Variants in FIP1L1 observed in about 807,000 individuals in gnomAD.
The protein encoded by FIP1L1 is factor interacting with PAPOLA and CPSF1.
A neutral mutation model predicts 84.6 loss-of-function variants in FIP1L1; 21 were observed. The ratio of observed to expected loss-of-function variants is 0.25; its 90% confidence interval spans 0.18 to 0.36. The LOEUF is 0.36. Ranked by LOEUF, FIP1L1 falls within the 10% of genes least tolerant of loss-of-function variation. The pLI, the probability that FIP1L1 is intolerant of heterozygous loss-of-function variation, is 1.00. For synonymous variants in FIP1L1, 263 were observed against 242.3 expected, an observed-to-expected ratio of 1.09 and a Z score of -0.80; for missense variants, 526 against 751.1, an observed-to-expected ratio of 0.70 and a Z score of 3.50.
At chr4:53,413,713 T>A (rs1758198514) in intron 10 of FIP1L1, among the ~76,000 whole-genome samples, 1 of 152,162 alleles carries the variant, frequency 6.6e-6, no homozygotes, top group Non-Finnish European at 1.5e-5. Flanking sequence ...TACAGAGTTG[T>A]TATATTAAGA....
At chr4:53,382,385 G>C in intron 4 of FIP1L1, 50 bp downstream of exon 4, 1 of 1,437,364 alleles carries the variant, frequency 7.0e-7, no homozygotes, top group Non-Finnish European at 9.8e-7. Context: ...TTTATCAATA[G>C]CTTCACAGTT....
chr4:53,382,115 G>A (rs1041278419), intron 3 of FIP1L1, among the ~76,000 whole-genome samples, 163 bp from the exon 4 acceptor site: 1 of 152,062 alleles, frequency 6.6e-6, no homozygotes, highest in Non-Finnish European at 1.5e-5. Flanking sequence ...TCTTCTGCAA[G>A]TTACTAGAAA....
intron 3 of FIP1L1, among the ~76,000 whole-genome samples, chr4:53,379,481 C>G (rs1736637148): frequency 6.6e-6 from 1 of 152,134 alleles, no homozygotes; most frequent in Non-Finnish European, 1.5e-5. Flanking sequence ...AGTTTTTGAA[C>G]TTAGGATTGG....
intron 13 of FIP1L1, 137 bp downstream of exon 13, chr4:53,428,320 C>A: frequency 1.3e-6 from 1 of 752,326 alleles, no homozygotes; most frequent in Non-Finnish European, 2.0e-6. Context: ...CAGATTCACA[C>A]TGAAACAGAT....
chr4:53,387,675 G>A (rs1394792033), intron 5 of FIP1L1, among the ~76,000 whole-genome samples: 1 of 152,216 alleles, frequency 6.6e-6, no homozygotes, highest in Non-Finnish European at 1.5e-5. Flanking sequence ...TAGGTGGAAA[G>A]CGAAGAAGCT....
intron 9 of FIP1L1, among the ~76,000 whole-genome samples, 167 bp downstream of exon 9, chr4:53,391,665 T>A (rs1024966194): frequency 1.3e-5 from 2 of 152,202 alleles, no homozygotes; most frequent in African/African-American, 4.8e-5. Flanking sequence ...ATCTCCACTT[T>A]TGCAAGCATG....
At chr4:53,388,548 G>A (rs562020689) in intron 5 of FIP1L1, among the ~76,000 whole-genome samples, 9 of 152,182 alleles carry the variant, frequency 5.9e-5, no homozygotes, top group African/African-American at 2.2e-4. Flanking sequence ...TGTTAGCCAG[G>A]ATGGTCTTGA....
intron 15 of FIP1L1, among the ~76,000 whole-genome samples, chr4:53,452,342 A>G (rs1020035810): frequency 1.3e-5 from 2 of 149,012 alleles, no homozygotes; most frequent in Non-Finnish European, 3.0e-5. Flanking sequence ...TTTTTTTGAG[A>G]TAGTCTCACT....
chr4:53,423,887 A>G (rs1182579107), intron 11 of FIP1L1, among the ~76,000 whole-genome samples: 1 of 152,214 alleles, frequency 6.6e-6, no homozygotes, highest in Non-Finnish European at 1.5e-5. Flanking sequence ...ACATTTTAAG[A>G]GGTGAATACT....
intron 10 of FIP1L1, among the ~76,000 whole-genome samples, chr4:53,405,425 T>A (rs1280012756): frequency 6.6e-6 from 1 of 152,178 alleles, no homozygotes; most frequent in Non-Finnish European, 1.5e-5. Context: ...TGTAGTATAG[T>A]TTGAAGTCAG....
intron 13 of FIP1L1, among the ~76,000 whole-genome samples, chr4:53,441,965 G>A (rs1481170190): frequency 6.6e-6 from 1 of 151,972 alleles, no homozygotes; most frequent in Non-Finnish European, 1.5e-5. Context: ...GAATTTGAAA[G>A]TGTAGTGTAG....
intron 15 of FIP1L1, among the ~76,000 whole-genome samples, chr4:53,450,257 A>G (rs1163173761): frequency 6.6e-6 from 1 of 152,162 alleles, no homozygotes; most frequent in East Asian, 1.9e-4. Context: ...TTTAGTTCCT[A>G]ATGATTTAAA....
intron 13 of FIP1L1, chr4:53,440,593 A>G: frequency 6.6e-7 from 1 of 1,523,406 alleles, no homozygotes; most frequent in Middle Eastern, 1.7e-4. Flanking sequence ...TATTCCAATA[A>G]CTGTACCACC....
rs1315491007 is a variant in FIP1L1, at chr4:53,444,069, T to C, written c.1251T>C (p.Asp417=). ...TIESGHSSGY[D]SRSARAFPYG... ...ACAGTGGACATTCCTCTGGTTATGA[T>C]AGTCGTTCTGCACGTGCATTTCCAT... Residue 417 remains aspartate, a synonymous_variant, in exon 15 of 18, where the codon GAT becomes GAC. Transcript: ENST00000337488. 6.2e-7 allele frequency: 1 copy of C among 1,607,588 alleles called. No individual in the cohort carries two copies. Among genetic ancestry groups the C allele is most frequent in the East Asian group, 2.2e-5 (1 of 44,754 alleles).
intron 10 of FIP1L1, among the ~76,000 whole-genome samples, chr4:53,404,062 A>T (rs915366989): frequency 6.6e-6 from 1 of 150,704 alleles, no homozygotes; most frequent in African/African-American, 2.4e-5. Flanking sequence ...CACAATGTGC[A>T]GTTTAGTTAC....
At chr4:53,448,838 C>T (rs970922563) in intron 15 of FIP1L1, among the ~76,000 whole-genome samples, 3 of 152,090 alleles carry the variant, frequency 2.0e-5, no homozygotes, top group Non-Finnish European at 4.4e-5. Flanking sequence ...TAGTTATCTC[C>T]ATACACTTCT....
chr4:53,417,782 C>G (rs1310245991), intron 11 of FIP1L1, among the ~76,000 whole-genome samples: 1 of 54,954 alleles, frequency 1.8e-5, no homozygotes, highest in Non-Finnish European at 3.8e-5. Flanking sequence ...CTCTCTCTCT[C>G]TCTCTCTCTC....
intron 15 of FIP1L1, among the ~76,000 whole-genome samples, chr4:53,445,466 A>G (rs180868272): frequency 6.6e-6 from 1 of 152,350 alleles, no homozygotes. Flanking sequence ...TATACCTCAT[A>G]TATCCATGGG....
rs1465259696 is a variant in FIP1L1 at position 53,392,119 on chromosome 4, A to G, written c.705+621A>G. On this transcript the variant is annotated intron_variant, in intron 9 of 17. Coordinates refer to ENST00000337488, the MANE Select transcript of FIP1L1 (RefSeq NM_030917.4). ...GTCTGATTTCTGGCTTCTCCATTCC[A>G]TGGTATGATCACAGACCCAGTCCAA... Among the ~76,000 whole-genome samples, 7 of 152,244 alleles carry G rather than the reference A, an allele frequency of 4.6e-5. No individual in the cohort carries two copies. The East Asian group carries it at 5.8e-4, about 13-fold the overall frequency.
Sources: allele counts gnomAD v4.1 joint callset (sites outside exome capture counted in the v4.1 genomes callset), GRCh38; gene constraint gnomAD v4.1.1; transcripts MANE v1.5; gene names NCBI Gene and HGNC (gene_info 2026-07-23, HGNC 2026-07-21).